Variants in SNTG2 observed in about 807,000 individuals in gnomAD.
SNTG2 encodes gamma-2-syntrophin.
A neutral mutation model predicts 70.9 loss-of-function variants in SNTG2; 74 were observed. The observed-to-expected ratio is 1.04, with a 90% CI of 0.86 to 1.27. The LOEUF (loss-of-function observed/expected upper bound fraction) is 1.27. Ranked by LOEUF, SNTG2 falls within the 50% of genes most tolerant of loss-of-function variation. The pLI is 0.00. For synonymous variants in SNTG2, 278 were observed against 273.8 expected (o/e 1.02, Z -0.15); for missense variants, 717 against 690.7 (o/e 1.04, Z -0.43).
intron 2 of SNTG2, among the ~76,000 whole-genome samples, chr2:1,094,339 A>G (rs13420178): frequency 3.4e-5 from 2 of 58,964 alleles, no homozygotes; most frequent in Non-Finnish European, 3.0e-5. Context: ...CGAAGGCCTT[A>G]TAGGTGTGTC....
chr2:1,308,687 T>A, intron 15 of SNTG2, 101 bp downstream of exon 15: 2 of 971,932 alleles, frequency 2.1e-6, no homozygotes, highest in Non-Finnish European at 3.2e-6. Context: ...GCCACCAACC[T>A]TGCTGGATTG....
At chr2:1,358,693 T>C (rs1660982320) in intron 16 of SNTG2, among the ~76,000 whole-genome samples, 1 of 152,302 alleles carries the variant, frequency 6.6e-6, no homozygotes, top group Middle Eastern at 3.4e-3. Flanking sequence ...TCTAGCTTCA[T>C]GCTTTTGTAG....
chr2:1,217,496 T>G (rs1674471182), intron 9 of SNTG2, among the ~76,000 whole-genome samples: 1 of 152,166 alleles, frequency 6.6e-6, no homozygotes, highest in Non-Finnish European at 1.5e-5. Flanking sequence ...CTAATGGACA[T>G]CAGCAGATGC....
chr2:1,228,946 A>G (rs1002968809), intron 9 of SNTG2, among the ~76,000 whole-genome samples: 1 of 151,322 alleles, frequency 6.6e-6, no homozygotes, highest in Non-Finnish European at 1.5e-5. Flanking sequence ...TGAGTGTTAC[A>G]GCTCTTAAGG....
chr2:1,208,244 C>T (rs1014701665), intron 8 of SNTG2, among the ~76,000 whole-genome samples: 5 of 135,532 alleles, frequency 3.7e-5, no homozygotes, highest in Non-Finnish European at 6.4e-5. Context: ...GTGTGGGGCA[C>T]ACCTGTGAGT....
intron 1 of SNTG2, among the ~76,000 whole-genome samples, chr2:1,043,849 T>A (rs1249247610): frequency 6.6e-6 from 1 of 152,256 alleles, no homozygotes; most frequent in Non-Finnish European, 1.5e-5. Flanking sequence ...GGTCATGTGA[T>A]GCCCCCAGGT....
rs529523945 is a variant in SNTG2 at position 1,093,803 on chromosome 2, C to T, written c.211-4393C>T. Among the ~76,000 whole-genome samples the T allele has an allele frequency of 5.2e-5, 8 of 152,398 alleles. No individual in the cohort carries two copies. In the East Asian group the frequency reaches 1.5e-3, roughly 29 times the overall value. Reference sequence around the variant, plus strand: ...TGGGCTCCACCGTAATAAGGAACCACAGGTGGGCTGGCTTAGGCAGCAGGG... The same window carrying T: ...TGGGCTCCACCGTAATAAGGAACCATAGGTGGGCTGGCTTAGGCAGCAGGG... On this transcript the variant is annotated intron_variant, in intron 2 of 16. Coordinates refer to ENST00000308624, the MANE Select transcript of SNTG2 (RefSeq NM_018968.4).
chr2:1,090,111 T>C (rs1415262688), intron 2 of SNTG2, among the ~76,000 whole-genome samples: 2 of 152,254 alleles, frequency 1.3e-5, no homozygotes. Flanking sequence ...GGTGCTCATT[T>C]TGCAAACGTT....
chr2:1,193,310 G>A (rs1330843584), intron 8 of SNTG2, among the ~76,000 whole-genome samples: 2 of 152,272 alleles, frequency 1.3e-5, no homozygotes, highest in East Asian at 1.9e-4. Flanking sequence ...GGAGGCTCTC[G>A]GCACAATTTG....
chr2:1,347,555 T>A (rs1660358724), intron 16 of SNTG2, among the ~76,000 whole-genome samples: 1 of 152,252 alleles, frequency 6.6e-6, no homozygotes, highest in Non-Finnish European at 1.5e-5. Context: ...CTGAAGTCCC[T>A]GTCTCTCTCC....
intron 6 of SNTG2, among the ~76,000 whole-genome samples, chr2:1,152,962 A>G (rs980703092): frequency 6.6e-6 from 1 of 152,288 alleles, no homozygotes; most frequent in African/African-American, 2.4e-5. Context: ...TGTCTCTAGT[A>G]AAAATACAAA....
intron 8 of SNTG2, among the ~76,000 whole-genome samples, chr2:1,187,973 A>G (rs747516568): frequency 1.1e-4 from 17 of 152,262 alleles, no homozygotes; most frequent in Non-Finnish European, 2.1e-4. Context: ...GACACACTTC[A>G]GGAAGATAAA....
At position 1,327,101 on chromosome 2, in the gene SNTG2, C is replaced by T. The variant is rs575248105; in HGVS notation, c.1488+10726C>T. 2.6e-5 allele frequency among the ~76,000 whole-genome samples: 4 copies of T among 152,024 alleles called. No individual in the cohort carries two copies. In the South Asian group the frequency reaches 8.3e-4, roughly 32 times the overall value. ...CTCCTCTTATCTCCAGTTTTTGTTG[C>T]TGGAAATTAGTTAGAATTTTAACTC... On this transcript the variant is annotated intron_variant, in intron 16 of 16. Transcript: ENST00000308624.
chr2:1,150,011 G>A (rs67758603), intron 6 of SNTG2, among the ~76,000 whole-genome samples: 142,623 of 152,252 alleles, frequency 0.94, 66,925 homozygotes, highest in Non-Finnish European at 0.97. Flanking sequence ...TTTTCATTTG[G>A]CACTCCTCCG....
At chr2:994,691 ACTGT>A (rs1661618553) in intron 1 of SNTG2, among the ~76,000 whole-genome samples, 1 of 151,896 alleles carries the variant, frequency 6.6e-6, no homozygotes, top group Admixed American at 6.6e-5. Context: ...ATGAACATGG[ACTGT>A]CTTTCTATTT....
chr2:1,141,181 G>T (rs1019049297), intron 6 of SNTG2, among the ~76,000 whole-genome samples: 35 of 152,314 alleles, frequency 2.3e-4, no homozygotes, highest in African/African-American at 8.4e-4. Context: ...AGAAGAAGGG[G>T]TTCCTAATAC....
intron 8 of SNTG2, among the ~76,000 whole-genome samples, chr2:1,195,797 C>T (rs762818877): frequency 1.3e-5 from 2 of 151,844 alleles, no homozygotes; most frequent in East Asian, 3.9e-4. Context: ...AGTCTTTGCC[C>T]AAGGCAAAAT....
rs1423737281 is a variant in SNTG2, at chr2:1,362,202, T to C, written c.1489-5141T>C. On this transcript the variant is annotated intron_variant, in intron 16 of 16. Transcript: ENST00000308624. ...ATGAGATACACCGATGCTGAGCATT[T>C]CAGTAGAACTTCCACGAAGGTCACC... Among the ~76,000 whole-genome samples the C allele has an allele frequency of 2.6e-5, 4 of 151,606 alleles. 1 individual carries two copies. The highest frequency in any genetic ancestry group is 5.9e-5 in the Non-Finnish European group (4 of 67,850).
chr2:1,251,683 ACATGCACACAC>A (rs1253066856), intron 12 of SNTG2, among the ~76,000 whole-genome samples: 2 of 142,302 alleles, frequency 1.4e-5, no homozygotes, highest in African/African-American at 5.4e-5. Context: ...CACACACATC[ACATGCACACAC>A]CATGCACACC....
Sources: allele counts gnomAD v4.1 joint callset (sites outside exome capture counted in the v4.1 genomes callset), GRCh38; gene constraint gnomAD v4.1.1; transcripts MANE v1.5; gene names NCBI Gene and HGNC (gene_info 2026-07-23, HGNC 2026-07-21).